The following SLC24A2 variants were observed in gnomAD, a reference collection of about 807,000 sequenced individuals.
The protein encoded by SLC24A2 is sodium/potassium/calcium exchanger 2.
A neutral mutation model predicts 62.0 loss-of-function variants in SLC24A2; 36 were observed. That is an observed-to-expected ratio of 0.58 (90% CI 0.44 to 0.77). SLC24A2 has a LOEUF of 0.77. SLC24A2 is among the 30% of genes least tolerant of loss of function. The probability of loss-of-function intolerance (pLI) is 0.00; values close to 1 mark genes in which losing one functional copy is unlikely to be tolerated. For synonymous variants in SLC24A2, 358 were observed against 294.0 expected, an observed-to-expected ratio of 1.22 and a Z score of -2.23; for missense variants, 846 against 817.9, an observed-to-expected ratio of 1.03 and a Z score of -0.42.
At chr9:19,674,403 T>C (rs916238177) in intron 2 of SLC24A2, among the ~76,000 whole-genome samples, 5 of 152,210 alleles carry the variant, frequency 3.3e-5, no homozygotes, top group African/African-American at 1.2e-4. Flanking sequence ...TGTATTTAGA[T>C]GTCTAAATCT....
the SLC24A2 span, among the ~76,000 whole-genome samples, chr9:20,059,140 T>C: frequency 6.6e-6 from 1 of 152,204 alleles, no homozygotes; most frequent in African/African-American, 2.4e-5. Context: ...AAAGGGACTT[T>C]ACAGATGTGA....
At position 19,690,685 on chromosome 9, in the gene SLC24A2, A is replaced by G. The variant is rs1820017602; in HGVS notation, c.931-68386T>C. 3.3e-5 allele frequency among the ~76,000 whole-genome samples: 5 copies of G among 152,186 alleles called. No individual in the cohort carries two copies. The South Asian group carries it at 1.0e-3, about 31-fold the overall frequency. On this transcript the variant is annotated intron_variant, in intron 2 of 10. Transcript: ENST00000341998. ...AGCTACTGGACAATTCAGTTTCATA[A>G]ACTACTGTGGCTTTTCTCTTTTTTC...
the SLC24A2 span, among the ~76,000 whole-genome samples, chr9:20,134,165 T>C: frequency 3.3e-5 from 5 of 152,062 alleles, no homozygotes; most frequent in African/African-American, 1.2e-4. Context: ...TATAGAAAAA[T>C]TGGCAAAGCT....
the SLC24A2 span, among the ~76,000 whole-genome samples, chr9:20,168,974 A>G: frequency 6.6e-6 from 1 of 152,092 alleles, no homozygotes; most frequent in Admixed American, 6.6e-5. Context: ...AGATGAATGC[A>G]TAAACCAAGT....
chr9:19,877,178 G>T, the SLC24A2 span, among the ~76,000 whole-genome samples: 1 of 151,288 alleles, frequency 6.6e-6, no homozygotes, highest in Non-Finnish European at 1.5e-5. Context: ...CCCAGTGAGG[G>T]CTGGGTTTCT....
At chr9:19,582,174 G>A (rs748781009) in intron 5 of SLC24A2, among the ~76,000 whole-genome samples, 4 of 152,098 alleles carry the variant, frequency 2.6e-5, no homozygotes, top group African/African-American at 9.7e-5. Context: ...TGTGAATTTC[G>A]AAAAACAACC....
the SLC24A2 span, among the ~76,000 whole-genome samples, chr9:19,815,571 T>C: frequency 1.3e-5 from 2 of 152,172 alleles, no homozygotes; most frequent in African/African-American, 2.4e-5. Context: ...TAGTTCTTAA[T>C]CTTATAGGCT....
rs894777825 is a variant in SLC24A2, at chr9:19,585,471, T to C, written c.1130-8449A>G. 1.7e-4 allele frequency among the ~76,000 whole-genome samples: 26 copies of C among 152,302 alleles called. No individual in the cohort carries two copies. In the South Asian group the frequency reaches 2.7e-3, roughly 16 times the overall value. On this transcript the variant is annotated intron_variant, in intron 5 of 10. Transcript: ENST00000341998. ...GGTTCAGCACTTGGAAGTAATCAGT[T>C]CTCCAGAAGCAATGACTCCTTTTAT...
the SLC24A2 span, among the ~76,000 whole-genome samples, chr9:20,305,689 C>A: frequency 6.6e-6 from 1 of 152,206 alleles, no homozygotes; most frequent in African/African-American, 2.4e-5. Context: ...AAGTCAATAG[C>A]ATTATCCCAG....
the SLC24A2 span, among the ~76,000 whole-genome samples, chr9:19,918,160 G>GTGTGTT: frequency 1.3e-5 from 2 of 151,640 alleles, no homozygotes; most frequent in African/African-American, 4.8e-5. Context: ...GTGTGTGTGT[G>GTGTGTT]TGTGTGTGTG....
the SLC24A2 span, among the ~76,000 whole-genome samples, chr9:20,292,199 G>C: frequency 2.0e-5 from 3 of 152,174 alleles, no homozygotes; most frequent in African/African-American, 7.2e-5. Context: ...CAGTACCTCT[G>C]TCTCCCAGAT....
At chr9:20,194,727 C>T in the SLC24A2 span, among the ~76,000 whole-genome samples, 1 of 151,990 alleles carries the variant, frequency 6.6e-6, no homozygotes, top group Non-Finnish European at 1.5e-5. Context: ...TTCACATCCT[C>T]TCATTTCTCT....
the SLC24A2 span, among the ~76,000 whole-genome samples, chr9:19,830,329 T>C: frequency 2.0e-5 from 3 of 152,248 alleles, no homozygotes; most frequent in African/African-American, 7.2e-5. Flanking sequence ...AATCAATTAA[T>C]ATATTTTTTA....
intron 2 of SLC24A2, among the ~76,000 whole-genome samples, chr9:19,711,324 T>C (rs906736233): frequency 5.3e-5 from 8 of 152,232 alleles, no homozygotes; most frequent in African/African-American, 1.9e-4. Context: ...GTCCCAGTTT[T>C]AATTTCAAAT....
At chr9:20,104,458 G>A in the SLC24A2 span, among the ~76,000 whole-genome samples, 1 of 152,290 alleles carries the variant, frequency 6.6e-6, no homozygotes, top group Non-Finnish European at 1.5e-5. Context: ...AGAAAGGTCG[G>A]GTTACCCACA....
the SLC24A2 span, among the ~76,000 whole-genome samples, chr9:20,051,089 T>G: frequency 6.6e-6 from 1 of 152,028 alleles, no homozygotes. Context: ...AGACAAAGAT[T>G]GTCAGACTAG....
chr9:20,026,229 C>CTGAT, the SLC24A2 span, among the ~76,000 whole-genome samples: 1 of 152,090 alleles, frequency 6.6e-6, no homozygotes, highest in African/African-American at 2.4e-5. Flanking sequence ...GGGAATGGTG[C>CTGAT]TGATTGTAGA....
the SLC24A2 span, among the ~76,000 whole-genome samples, chr9:19,841,567 A>G: frequency 3.3e-5 from 5 of 152,326 alleles, 1 homozygote; most frequent in South Asian, 1.0e-3. Context: ...ATTACCTCTC[A>G]GCTCTTAATT....
intron 2 of SLC24A2, among the ~76,000 whole-genome samples, chr9:19,651,543 G>T (rs1161500643): frequency 6.9e-6 from 1 of 145,384 alleles, no homozygotes; most frequent in Non-Finnish European, 1.5e-5. Flanking sequence ...TGCTGCTGGG[G>T]AACCCCCCAC....
Sources: gnomAD v4.1 joint callset for allele counts (sites outside exome capture counted in the v4.1 genomes callset) on GRCh38, gnomAD v4.1.1 for gene constraint, MANE v1.5 for transcripts, NCBI Gene and HGNC (gene_info 2026-07-23, HGNC 2026-07-21) for gene names.